Variants in RBFOX1 observed in about 807,000 individuals in gnomAD.
RBFOX1 encodes the protein RNA binding fox-1 homolog 1, also known as RNA binding protein fox-1 homolog 1.
A neutral mutation model predicts 57.7 loss-of-function variants in RBFOX1; 8 were observed. The ratio of observed to expected loss-of-function variants is 0.14; its 90% CI spans 0.08 to 0.25. The LOEUF (loss-of-function observed/expected upper bound fraction) is 0.25. RBFOX1 is among the 10% of genes least tolerant of loss of function. The pLI is 1.00. For synonymous variants in RBFOX1, 326 were observed against 222.4 expected (o/e 1.47, Z -4.15); for missense variants, 611 against 548.5 (o/e 1.11, Z -1.14).
At chr16:5,558,413 T>C (rs569109776) in intron 2 of RBFOX1, among the ~76,000 whole-genome samples, 62 of 152,026 alleles carry the variant, frequency 4.1e-4, no homozygotes, top group African/African-American at 1.4e-3. Context: ...CCCTTAGAGG[T>C]CTGAGCATCG....
intron 1 of RBFOX1, among the ~76,000 whole-genome samples, chr16:5,432,559 G>GTTTTTTTTTTTTTTTTGTTTTT (rs35344614): frequency 3.2e-5 from 3 of 94,224 alleles, no homozygotes; most frequent in Non-Finnish European, 4.1e-5. Flanking sequence ...TTGTTTGTTT[G>GTTTTTTTTTTTTTTTTGTTTTT]TTTTTTTTTT....
intron 4 of RBFOX1, among the ~76,000 whole-genome samples, chr16:7,242,501 CT>C (rs1367147528): frequency 6.6e-6 from 1 of 152,170 alleles, no homozygotes; most frequent in East Asian, 1.9e-4. Flanking sequence ...GTACCTCCCC[CT>C]GCATCCTCAT....
chr16:7,686,162 G>A (rs1057038271), intron 14 of RBFOX1, among the ~76,000 whole-genome samples: 8 of 151,786 alleles, frequency 5.3e-5, no homozygotes, highest in Non-Finnish European at 1.2e-4. Context: ...CTGAACTGTG[G>A]GATTATCGTG....
intron 3 of RBFOX1, among the ~76,000 whole-genome samples, chr16:6,838,376 G>A (rs919661050): frequency 2.2e-4 from 34 of 152,126 alleles, no homozygotes; most frequent in African/African-American, 8.2e-4. Flanking sequence ...TTTTATGGCT[G>A]CATAATATTC....
intron 3 of RBFOX1, among the ~76,000 whole-genome samples, chr16:6,921,397 C>T (rs1020336645): frequency 2.0e-5 from 3 of 152,128 alleles, no homozygotes; most frequent in African/African-American, 7.2e-5. Context: ...CGAAGATCAC[C>T]CAGGTTGTTG....
chr16:7,038,320 A>C (rs934894410), intron 3 of RBFOX1, among the ~76,000 whole-genome samples: 1 of 152,156 alleles, frequency 6.6e-6, no homozygotes, highest in Non-Finnish European at 1.5e-5. Flanking sequence ...AAGGAGGGCA[A>C]TTATAACCCT....
intron 4 of RBFOX1, among the ~76,000 whole-genome samples, chr16:7,325,907 C>T (rs1302744644): frequency 2.6e-5 from 4 of 152,162 alleles, no homozygotes; most frequent in Non-Finnish European, 5.9e-5. Context: ...TTCTCACCTA[C>T]GCTGGATGGA....
chr16:6,335,802 G>GA (rs1355160017), intron 2 of RBFOX1, among the ~76,000 whole-genome samples: 2,465 of 140,888 alleles, frequency 0.017, 98 homozygotes, highest in African/African-American at 0.064. Flanking sequence ...AAAAAAAAAA[G>GA]AAAAGAAAAG....
intron 3 of RBFOX1, among the ~76,000 whole-genome samples, chr16:6,767,947 T>TAATA (rs1410744665): frequency 1.5e-3 from 155 of 101,042 alleles, no homozygotes; most frequent in East Asian, 8.1e-3. Flanking sequence ...ATAATAATAA[T>TAATA]AAGAAGAAGA....
chr16:6,508,824 C>A (rs1161176703), intron 2 of RBFOX1, among the ~76,000 whole-genome samples: 1 of 150,872 alleles, frequency 6.6e-6, no homozygotes, highest in East Asian at 1.9e-4. Flanking sequence ...CAAAAGTAAT[C>A]ACGGTAAAAC....
intron 15 of RBFOX1, 125 bp downstream of exon 15, chr16:7,709,256 G>T: frequency 1.9e-6 from 2 of 1,044,958 alleles, no homozygotes; most frequent in Middle Eastern, 2.1e-4. Flanking sequence ...TGTGCTAACA[G>T]CAGCTAAAAT....
At chr16:7,516,377 C>T (rs936375433) in intron 4 of RBFOX1, among the ~76,000 whole-genome samples, 1 of 152,062 alleles carries the variant, frequency 6.6e-6, no homozygotes, top group East Asian at 1.9e-4. Context: ...TCCTATGGCT[C>T]ATCTCGTAGC....
At chr16:6,736,540 T>C (rs1400522859) in intron 3 of RBFOX1, among the ~76,000 whole-genome samples, 31 of 152,202 alleles carry the variant, frequency 2.0e-4, no homozygotes. Flanking sequence ...ATACCTCAAT[T>C]TCTTTATTCA....
chr16:7,335,489 A>G (rs1228363030), intron 4 of RBFOX1, among the ~76,000 whole-genome samples: 1 of 151,970 alleles, frequency 6.6e-6, no homozygotes, highest in Non-Finnish European at 1.5e-5. Flanking sequence ...TCCAACCTCA[A>G]GAGATTTTGT....
chr16:5,739,061 C>G (rs1051446379), intron 3 of RBFOX1, among the ~76,000 whole-genome samples: 1 of 152,222 alleles, frequency 6.6e-6, no homozygotes, highest in African/African-American at 2.4e-5. Flanking sequence ...TGTCTTGAAA[C>G]ACCTTGAAAT....
At chr16:6,285,033 A>G (rs1050295382) in intron 1 of RBFOX1, among the ~76,000 whole-genome samples, 2 of 152,182 alleles carry the variant, frequency 1.3e-5, no homozygotes, top group Admixed American at 1.3e-4. Context: ...CCAGTCTTAA[A>G]CCGAGAGAGG....
chr16:5,879,899 T>G (rs1268000121), intron 4 of RBFOX1, among the ~76,000 whole-genome samples: 1 of 152,152 alleles, frequency 6.6e-6, no homozygotes, highest in Non-Finnish European at 1.5e-5. Flanking sequence ...TTTCATTGCC[T>G]TAGCGCAGAG....
chr16:6,962,017 T>C (rs1481150220), intron 3 of RBFOX1, among the ~76,000 whole-genome samples: 3 of 152,170 alleles, frequency 2.0e-5, no homozygotes, highest in Admixed American at 6.5e-5. Context: ...AGCCTCATTT[T>C]ACCCAGCCCC....
intron 1 of RBFOX1, among the ~76,000 whole-genome samples, chr16:5,311,172 C>T (rs1450772135): frequency 1.3e-5 from 2 of 152,162 alleles, no homozygotes; most frequent in Admixed American, 6.5e-5. Flanking sequence ...GACATTATTT[C>T]ATTCTTTTTT....
Sources: gnomAD v4.1 joint callset for allele counts (sites outside exome capture counted in the v4.1 genomes callset) on GRCh38, gnomAD v4.1.1 for gene constraint, MANE v1.5 for transcripts, NCBI Gene and HGNC (gene_info 2026-07-23, HGNC 2026-07-21) for gene names.